Variants in CCBE1 observed in about 807,000 individuals in gnomAD.
The protein encoded by CCBE1 is collagen and calcium-binding EGF domain-containing protein 1.
In CCBE1, 37 loss-of-function variants were observed where a neutral mutation model predicts 50.0. The ratio of observed to expected loss-of-function variants is 0.74; its 90% CI spans 0.57 to 0.97. CCBE1 has a LOEUF of 0.97. CCBE1 is among the 50% of genes least tolerant of loss of function. The pLI is 0.00. For missense variants in CCBE1, 538 were observed against 523.8 expected, an observed-to-expected ratio of 1.03 and a Z score of -0.26; for synonymous variants, 234 against 203.7, an observed-to-expected ratio of 1.15 and a Z score of -1.27.
At chr18:59,581,453 G>T (rs1429734127) in intron 2 of CCBE1, among the ~76,000 whole-genome samples, 1 of 130,930 alleles carries the variant, frequency 7.6e-6, no homozygotes, top group East Asian at 2.3e-4. Context: ...AAAAAAAAAA[G>T]CCCCAAAATA....
At position 59,434,628 on chromosome 18, in the gene CCBE1, A is replaced by G. The variant is rs1218890797; in HGVS notation, c.*1280T>C. 6.6e-6 allele frequency: 1 copy of G among 152,216 alleles called. No homozygotes were observed. The highest frequency in any genetic ancestry group is 6.5e-5 in the Admixed American group (1 of 15,288). The allele number at this position is 152,216 out of a possible 1,614,324, so 9.4% of individuals were successfully genotyped here. On this transcript the variant is annotated 3_prime_UTR_variant, in exon 11 of 11. Transcript: ENST00000439986. Reference sequence around the variant, plus strand: ...GACCTTTTTCTGAACTGCTTCTCACATGCAGGGGAAAATAAATCAAAGAGA... The same window carrying G: ...GACCTTTTTCTGAACTGCTTCTCACGTGCAGGGGAAAATAAATCAAAGAGA...
intron 2 of CCBE1, among the ~76,000 whole-genome samples, chr18:59,564,915 T>C (rs2052797231): frequency 6.6e-6 from 1 of 152,246 alleles, no homozygotes; most frequent in South Asian, 2.1e-4. Flanking sequence ...GACTGCAAAG[T>C]ATATGTTCAA....
At chr18:59,556,769 G>C (rs1408555705) in intron 2 of CCBE1, among the ~76,000 whole-genome samples, 1 of 152,190 alleles carries the variant, frequency 6.6e-6, no homozygotes, top group African/African-American at 2.4e-5. Flanking sequence ...AAGTGGAAAT[G>C]TCCAAGGAAA....
In CCBE1 at chr18:59,436,118, G is replaced by A. The variant is rs1910145937; in HGVS notation, c.1011C>T (p.Phe337=). Residue 337 remains phenylalanine, a synonymous_variant, in exon 11 of 11, where the codon TTC becomes TTT. Transcript: ENST00000439986. The part of the protein sequence containing the change: ...GSPGPPGSFD[F]LLLMLADIRN... The stretch of plus-strand genomic sequence containing the variant: ...GGATGTCAGCCAGCATAAGTAGCAG[G>A]AAGTCGAAAGAACCAGGGGGTCCCT... 1 of 1,614,200 alleles carries A rather than the reference G, an allele frequency of 6.2e-7. No homozygotes were observed. The highest frequency in any genetic ancestry group is 1.3e-5 in the African/African-American group (1 of 75,050).
intron 6 of CCBE1, among the ~76,000 whole-genome samples, chr18:59,452,673 G>T (rs1910997240): frequency 6.6e-6 from 1 of 152,152 alleles, no homozygotes; most frequent in African/African-American, 2.4e-5. Flanking sequence ...TAGGTTTTAG[G>T]CCTGCCCTCT....
chr18:59,665,181 C>CT (rs35614328), intron 2 of CCBE1, among the ~76,000 whole-genome samples: 61,194 of 151,872 alleles, frequency 0.4, 12,828 homozygotes, highest in African/African-American at 0.51. Flanking sequence ...AGAGTCCCCC[C>CT]GAGACAAAAG....
At chr18:59,560,480 A>G (rs2052719413) in intron 2 of CCBE1, among the ~76,000 whole-genome samples, 1 of 152,164 alleles carries the variant, frequency 6.6e-6, no homozygotes. Context: ...GGAGAGCATT[A>G]GGACAAATAC....
At chr18:59,539,227 A>C (rs1252869566) in intron 2 of CCBE1, among the ~76,000 whole-genome samples, 1 of 152,084 alleles carries the variant, frequency 6.6e-6, no homozygotes, top group Non-Finnish European at 1.5e-5. Context: ...CAGCAAGAAA[A>C]TAATGACAGA....
chr18:59,472,986 G>C (rs923389835), intron 3 of CCBE1, among the ~76,000 whole-genome samples: 2 of 152,086 alleles, frequency 1.3e-5, no homozygotes, highest in African/African-American at 4.8e-5. Context: ...TGGGGAAACT[G>C]CCCCCATGAT....
At chr18:59,540,467 G>C (rs1034902429) in intron 2 of CCBE1, among the ~76,000 whole-genome samples, 1 of 152,182 alleles carries the variant, frequency 6.6e-6, no homozygotes, top group Non-Finnish European at 1.5e-5. Flanking sequence ...GCCAACCTTG[G>C]TATGAAGTGT....
At chr18:59,521,438 T>C (rs965828705) in intron 2 of CCBE1, among the ~76,000 whole-genome samples, 11 of 152,226 alleles carry the variant, frequency 7.2e-5, no homozygotes, top group African/African-American at 1.2e-4. Context: ...TGTTTTTTTT[T>C]CTTTCTTCAG....
At chr18:59,535,333 C>T (rs1915206576) in intron 2 of CCBE1, among the ~76,000 whole-genome samples, 1 of 151,990 alleles carries the variant, frequency 6.6e-6, no homozygotes. Context: ...TATAGAAATC[C>T]AAATTAAAAA....
chr18:59,619,462 T>C (rs555585515), intron 2 of CCBE1, among the ~76,000 whole-genome samples: 1 of 152,328 alleles, frequency 6.6e-6, no homozygotes, highest in South Asian at 2.1e-4. Flanking sequence ...TAGGACTACA[T>C]TTGCACACCA....
intron 2 of CCBE1, among the ~76,000 whole-genome samples, chr18:59,680,411 C>T (rs144539838): frequency 2.0e-4 from 30 of 151,916 alleles, no homozygotes; most frequent in Admixed American, 5.2e-4. Flanking sequence ...ATGTAAAGAA[C>T]ACCTAAAGGC....
At chr18:59,565,822 T>C (rs1331038631) in intron 2 of CCBE1, among the ~76,000 whole-genome samples, 1 of 151,958 alleles carries the variant, frequency 6.6e-6, no homozygotes, top group African/African-American at 2.4e-5. Context: ...AACACACTGC[T>C]GGGTTTTCAA....
At chr18:59,600,962 G>A (rs963260201) in intron 2 of CCBE1, among the ~76,000 whole-genome samples, 1 of 147,514 alleles carries the variant, frequency 6.8e-6, no homozygotes, top group Non-Finnish European at 1.5e-5. Context: ...GGAAGAAGGG[G>A]CCCATTCTGT....
At chr18:59,619,136 C>T (rs981755417) in intron 2 of CCBE1, among the ~76,000 whole-genome samples, 1 of 152,110 alleles carries the variant, frequency 6.6e-6, no homozygotes, top group African/African-American at 2.4e-5. Context: ...ATAAATGATT[C>T]AATCATATTA....
At chr18:59,564,974 G>A (rs1599018496) in intron 2 of CCBE1, among the ~76,000 whole-genome samples, 1 of 152,222 alleles carries the variant, frequency 6.6e-6, no homozygotes, top group Admixed American at 6.5e-5. Flanking sequence ...TGATGGCTTG[G>A]AAAATCCAGC....
At chr18:59,529,108 T>G (rs553582061) in intron 2 of CCBE1, among the ~76,000 whole-genome samples, 1 of 152,374 alleles carries the variant, frequency 6.6e-6, no homozygotes, top group South Asian at 2.1e-4. Context: ...CGGCTGTTCC[T>G]TCGCCCAGGG....
Sources: allele counts gnomAD v4.1 joint callset (sites outside exome capture counted in the v4.1 genomes callset), GRCh38; gene constraint gnomAD v4.1.1; transcripts MANE v1.5; gene names NCBI Gene and HGNC (gene_info 2026-07-23, HGNC 2026-07-21).